UBR3: variants seen among roughly 807,000 people sequenced by gnomAD.
The protein encoded by UBR3 is E3 ubiquitin-protein ligase UBR3.
A neutral mutation model predicts 243.2 loss-of-function variants in UBR3; 85 were observed. The observed-to-expected ratio is 0.35, with a 90% CI of 0.29 to 0.42. The LOEUF (loss-of-function observed/expected upper bound fraction) is 0.42. UBR3 is among the 10% of genes least tolerant of loss of function. UBR3 has a pLI of 1.00. For synonymous variants in UBR3, 748 were observed against 799.8 expected (o/e 0.94, Z 1.09); for missense variants, 1,686 against 2,300.8 (o/e 0.73, Z 5.47).
chr2:169,894,172 A>T (rs1180410504), intron 6 of UBR3, among the ~76,000 whole-genome samples: 1 of 151,982 alleles, frequency 6.6e-6, no homozygotes, highest in Admixed American at 6.6e-5. Context: ...ATAAAAAATA[A>T]ATTAGCAGGG....
At chr2:169,893,190 T>A in intron 6 of UBR3, among the ~76,000 whole-genome samples, 1 of 152,236 alleles carries the variant, frequency 6.6e-6, no homozygotes, top group East Asian at 1.9e-4. Context: ...GTTTTTTTGG[T>A]CTGCAGATAA....
chr2:169,917,515 T>G (rs1444862355), intron 11 of UBR3, among the ~76,000 whole-genome samples: 1 of 152,150 alleles, frequency 6.6e-6, no homozygotes, highest in African/African-American at 2.4e-5. Flanking sequence ...GAATCATGAG[T>G]GTAGTGAAGG....
At chr2:170,007,376 A>G (rs1174005322) in intron 28 of UBR3, among the ~76,000 whole-genome samples, 186 bp downstream of exon 28, 1 of 152,196 alleles carries the variant, frequency 6.6e-6, no homozygotes, top group Non-Finnish European at 1.5e-5. Context: ...CAAAGGCTAT[A>G]CTTCTCTTTA....
intron 27 of UBR3, among the ~76,000 whole-genome samples, chr2:170,001,694 G>A (rs1014719290): frequency 6.6e-6 from 1 of 151,870 alleles, no homozygotes; most frequent in African/African-American, 2.4e-5. Context: ...TCAGGAGTTC[G>A]AGACCAGCCT....
intron 1 of UBR3, among the ~76,000 whole-genome samples, chr2:169,848,542 T>G (rs531188564): frequency 6.6e-6 from 1 of 152,066 alleles, no homozygotes; most frequent in Admixed American, 6.6e-5. Flanking sequence ...TTAGGGCAGT[T>G]ACCTAAGTGA....
At chr2:170,072,020 C>T (rs974919634) in intron 35 of UBR3, among the ~76,000 whole-genome samples, 15 of 152,260 alleles carry the variant, frequency 9.9e-5, no homozygotes, top group Admixed American at 6.5e-4. Context: ...GTGGCGATTC[C>T]TCAGGGATCT....
intron 6 of UBR3, among the ~76,000 whole-genome samples, chr2:169,893,764 G>A (rs1559067700): frequency 6.6e-6 from 1 of 152,060 alleles, no homozygotes; most frequent in African/African-American, 2.4e-5. Context: ...GTTTTGCCAT[G>A]TTATCTAGGT....
At chr2:169,912,298 C>CACT (rs2085284272) in intron 10 of UBR3, among the ~76,000 whole-genome samples, 2 of 152,042 alleles carry the variant, frequency 1.3e-5, no homozygotes, top group African/African-American at 2.4e-5. Flanking sequence ...CAAAGTTTAC[C>CACT]ACTACTACCA....
At chr2:170,024,540 A>G (rs903023940) in intron 30 of UBR3, among the ~76,000 whole-genome samples, 1 of 151,332 alleles carries the variant, frequency 6.6e-6, no homozygotes, top group African/African-American at 2.4e-5. Context: ...ATCTGTGTGC[A>G]TGTGTGTGTG....
intron 24 of UBR3, among the ~76,000 whole-genome samples, chr2:169,976,554 C>T (rs1396909949): frequency 6.6e-6 from 1 of 152,026 alleles, no homozygotes; most frequent in African/African-American, 2.4e-5. Context: ...CAATTCTTTT[C>T]TTTCAAAATT....
chr2:170,028,754 T>C (rs1043611525), intron 30 of UBR3, among the ~76,000 whole-genome samples: 1 of 151,708 alleles, frequency 6.6e-6, no homozygotes, highest in Admixed American at 6.6e-5. Context: ...AGCAGAATTT[T>C]GTTGAAAGCC....
chr2:169,888,646 T>C (rs1443810686), intron 5 of UBR3, among the ~76,000 whole-genome samples: 1 of 152,252 alleles, frequency 6.6e-6, no homozygotes, highest in Non-Finnish European at 1.5e-5. Flanking sequence ...CTAAAGGTTA[T>C]GATTCCACCT....
chr2:170,081,285 G>A (rs1162800770), intron 38 of UBR3, among the ~76,000 whole-genome samples: 1 of 152,158 alleles, frequency 6.6e-6, no homozygotes, highest in African/African-American at 2.4e-5. Context: ...GATCACTTGA[G>A]GTCAGGAGTT....
At chr2:169,828,952 G>A (rs1292299843) in intron 1 of UBR3, among the ~76,000 whole-genome samples, 1 of 152,192 alleles carries the variant, frequency 6.6e-6, no homozygotes, top group African/African-American at 2.4e-5. Context: ...TACATGTAGG[G>A]TCGTGGCTTG....
chr2:169,855,562 A>T (rs11904098), intron 1 of UBR3, among the ~76,000 whole-genome samples: 132 of 151,258 alleles, frequency 8.7e-4, no homozygotes, highest in Non-Finnish European at 1.5e-3. Flanking sequence ...CTTAACGAGC[A>T]TGCTGCCTTT....
intron 1 of UBR3, among the ~76,000 whole-genome samples, chr2:169,845,499 TCATC>T (rs1559012020): frequency 5.1e-5 from 2 of 39,016 alleles, no homozygotes; most frequent in African/African-American, 1.0e-4. Context: ...CTCTTCGTCG[TCATC>T]GTCGTCGTCG....
At chr2:170,004,024 T>A (rs552751660) in intron 27 of UBR3, among the ~76,000 whole-genome samples, 1 of 152,176 alleles carries the variant, frequency 6.6e-6, no homozygotes, top group Non-Finnish European at 1.5e-5. Context: ...AGGTTTACAT[T>A]GTAAGGGGCC....
At chr2:170,065,860 T>C (rs754396631) in intron 35 of UBR3, among the ~76,000 whole-genome samples, 20 of 152,262 alleles carry the variant, frequency 1.3e-4, no homozygotes, top group Non-Finnish European at 2.1e-4. Context: ...ATTTTAAGTC[T>C]TTATTTCTCT....
At position 169,875,921 on chromosome 2, in the gene UBR3, C is replaced by T. The variant is rs759610735; in HGVS notation, c.816C>T (p.Asn272=). Residue 272 remains asparagine (N), a synonymous_variant, in exon 3 of 39, where the codon AAC becomes AAT. Coordinates refer to ENST00000272793, the MANE Select transcript of UBR3 (RefSeq NM_172070.4). ...CTGTTCTTACTCAGGTTTTGACAAA[C>T]CAACAAAACTACAAAGATCTGACTT... The part of the protein sequence containing the change: ...MRSVLTQVLT[N]QQNYKDLTSG... The T allele has an allele frequency of 2.0e-6, 3 of 1,535,372 alleles. No individual in the cohort carries two copies. The South Asian group carries it at 3.7e-5, about 19-fold the overall frequency.
Sources: gnomAD v4.1 joint callset for allele counts (sites outside exome capture counted in the v4.1 genomes callset) on GRCh38, gnomAD v4.1.1 for gene constraint, MANE v1.5 for transcripts, NCBI Gene and HGNC (gene_info 2026-07-23, HGNC 2026-07-21) for gene names.